The following DNAH6 variants were observed in gnomAD, a reference collection of about 807,000 sequenced individuals.
The protein encoded by DNAH6 is axonemal beta dynein heavy chain 6.
In DNAH6, 340 loss-of-function variants were observed where a neutral mutation model predicts 491.4. That is an observed-to-expected ratio of 0.69 (90% CI 0.63 to 0.76). The LOEUF is 0.76. Among genes scored for constraint, DNAH6 ranks in the 30% least tolerant of loss-of-function variants. The probability of loss-of-function intolerance (pLI) is 0.00; values close to 1 mark genes in which losing one functional copy is unlikely to be tolerated. For synonymous variants in DNAH6, 1,603 were observed against 1,686.1 expected, an observed-to-expected ratio of 0.95 and a Z score of 1.21; for missense variants, 4,443 against 4,972.2, an observed-to-expected ratio of 0.89 and a Z score of 3.20.
intron 64 of DNAH6, among the ~76,000 whole-genome samples, chr2:84,779,933 C>A (rs1004054324): frequency 1.3e-5 from 2 of 152,258 alleles, no homozygotes; most frequent in East Asian, 3.9e-4. Flanking sequence ...GTTGGAATTT[C>A]TTTTCTTTAA....
intron 14 of DNAH6, among the ~76,000 whole-genome samples, chr2:84,582,607 G>A (rs1481970018): frequency 1.3e-5 from 2 of 152,100 alleles, no homozygotes; most frequent in East Asian, 3.9e-4. Context: ...ATCCGCCACT[G>A]CGCCCAGCTA....
intron 61 of DNAH6, among the ~76,000 whole-genome samples, chr2:84,728,926 T>G (rs952122826): frequency 2.0e-5 from 3 of 152,108 alleles, no homozygotes; most frequent in African/African-American, 7.2e-5. Context: ...AAATCTCAAG[T>G]CCTGTCCTTG....
intron 60 of DNAH6, among the ~76,000 whole-genome samples, chr2:84,727,201 G>C (rs1284170059): frequency 1.3e-5 from 2 of 152,118 alleles, no homozygotes; most frequent in Admixed American, 1.3e-4. Flanking sequence ...AGAGTTTCAT[G>C]TCTCACATCA....
chr2:84,702,692 G>A (rs765778058), intron 49 of DNAH6, among the ~76,000 whole-genome samples: 3 of 151,794 alleles, frequency 2.0e-5, no homozygotes, highest in East Asian at 1.9e-4. Flanking sequence ...ATAGTCAACC[G>A]CCACCACGCC....
At chr2:84,546,065 CTA>C (rs1170602772) in intron 5 of DNAH6, among the ~76,000 whole-genome samples, 2 of 152,178 alleles carry the variant, frequency 1.3e-5, no homozygotes, top group Non-Finnish European at 2.9e-5. Context: ...TGGTCACTCT[CTA>C]TTTCTTTCTG....
At chr2:84,511,024 G>A in the DNAH6 span, among the ~76,000 whole-genome samples, 1 of 152,194 alleles carries the variant, frequency 6.6e-6, no homozygotes, top group Non-Finnish European at 1.5e-5. Flanking sequence ...GGGGGTCAGG[G>A]ACCCACTTGA....
At chr2:84,575,589 C>T (rs1392588285) in intron 12 of DNAH6, among the ~76,000 whole-genome samples, 1 of 152,190 alleles carries the variant, frequency 6.6e-6, no homozygotes, top group Non-Finnish European at 1.5e-5. Flanking sequence ...GTCTGCTTAA[C>T]CGTTTTACGT....
intron 64 of DNAH6, among the ~76,000 whole-genome samples, chr2:84,769,733 G>A (rs1362998219): frequency 6.6e-6 from 1 of 152,150 alleles, no homozygotes. Flanking sequence ...ATTATATAAA[G>A]GCAAATATAT....
intron 40 of DNAH6, among the ~76,000 whole-genome samples, chr2:84,675,096 G>A (rs1259440165): frequency 6.6e-6 from 1 of 152,154 alleles, no homozygotes; most frequent in African/African-American, 2.4e-5. Context: ...AAATAGCCTT[G>A]CTCACAGGGC....
intron 29 of DNAH6, among the ~76,000 whole-genome samples, chr2:84,632,039 T>C (rs1688449275): frequency 6.6e-6 from 1 of 152,206 alleles, no homozygotes; most frequent in Non-Finnish European, 1.5e-5. Context: ...ACTACAGGTA[T>C]GTCCTGGTTA....
At chr2:84,732,367 A>G (rs1461290908) in intron 61 of DNAH6, among the ~76,000 whole-genome samples, 1 of 152,208 alleles carries the variant, frequency 6.6e-6, no homozygotes, top group African/African-American at 2.4e-5. Context: ...TATACTAGTC[A>G]AAAGGTGGAA....
intron 37 of DNAH6, among the ~76,000 whole-genome samples, chr2:84,661,049 T>G (rs922176666): frequency 6.6e-6 from 1 of 152,148 alleles, no homozygotes; most frequent in African/African-American, 2.4e-5. Context: ...TCAATAAATT[T>G]TATCACCTAA....
At chr2:84,817,182 A>G (rs1410151538) in intron 76 of DNAH6, among the ~76,000 whole-genome samples, 2 of 151,676 alleles carry the variant, frequency 1.3e-5, no homozygotes, top group East Asian at 3.8e-4. Flanking sequence ...AGACTGTCAG[A>G]GACCAAAAAA....
chr2:84,765,633 G>A (rs973647624), intron 64 of DNAH6, among the ~76,000 whole-genome samples: 3 of 151,834 alleles, frequency 2.0e-5, no homozygotes, highest in African/African-American at 4.8e-5. Flanking sequence ...ATATACAGTC[G>A]AATATTTCCA....
At chr2:84,634,763 G>A (rs973691433) in intron 30 of DNAH6, 122 bp downstream of exon 30, 22 of 1,255,400 alleles carry the variant, frequency 1.8e-5, no homozygotes, top group Admixed American at 3.5e-5. Flanking sequence ...GGGAGCCCAA[G>A]GGGACCTTGG....
Position 84,681,356 on chromosome 2 carries a change from G to A in DNAH6, c.6745-1G>A. 1 of 1,537,518 alleles carries A rather than the reference G, an allele frequency of 6.5e-7. No individual in the cohort carries two copies. The highest frequency in any genetic ancestry group is 8.8e-7 in the Non-Finnish European group (1 of 1,140,392). On this transcript the variant is annotated splice_acceptor_variant, in intron 41 of 76. Transcript: ENST00000389394. LOFTEE classifies it high-confidence loss of function. ...CTCTCATATTATGTTTCTGGTTCTAGGCCATCTTAAATGGTTTCCTGAGTG... is the reference window on the plus strand; with the variant it reads ...CTCTCATATTATGTTTCTGGTTCTAAGCCATCTTAAATGGTTTCCTGAGTG...
At chr2:84,634,736 G>A (rs1688717387) in intron 30 of DNAH6, 95 bp downstream of exon 30, 3 of 1,374,010 alleles carry the variant, frequency 2.2e-6, no homozygotes, top group Admixed American at 6.4e-5. Flanking sequence ...TGCTAAAAAT[G>A]TTAGGGAGGA....
chr2:84,779,261 G>C (rs914725322), intron 64 of DNAH6, among the ~76,000 whole-genome samples: 1 of 152,054 alleles, frequency 6.6e-6, no homozygotes, highest in Non-Finnish European at 1.5e-5. Context: ...CCACTATTAT[G>C]ATGTGGCTTT....
chr2:84,498,206 G>A, the DNAH6 span, among the ~76,000 whole-genome samples: 22 of 152,276 alleles, frequency 1.4e-4, 1 homozygote, highest in East Asian at 4.1e-3. Context: ...CCTCTTCCAT[G>A]AATCTGTAGG....
Sources: allele counts gnomAD v4.1 joint callset (sites outside exome capture counted in the v4.1 genomes callset), GRCh38; gene constraint gnomAD v4.1.1; transcripts MANE v1.5; gene names NCBI Gene and HGNC (gene_info 2026-07-23, HGNC 2026-07-21).